ADCY2: variants seen among roughly 807,000 people sequenced by gnomAD.
ADCY2 encodes adenylate cyclase 2.
ADCY2 carries 31 observed loss-of-function variants against 125.2 expected under a neutral mutation model. The observed-to-expected ratio is 0.25, with a 90% confidence interval of 0.19 to 0.33. The LOEUF (loss-of-function observed/expected upper bound fraction) is 0.33. Ranked by LOEUF, ADCY2 falls within the 10% of genes least tolerant of loss-of-function variation. ADCY2 has a pLI of 1.00. For missense variants in ADCY2, 904 were observed against 1,418.2 expected (o/e 0.64, Z 5.82); for synonymous variants, 512 against 548.4 (o/e 0.93, Z 0.93).
Position 7,396,379 on chromosome 5 carries a change from G to C in ADCY2, c.83G>C (p.Arg28Pro), listed in dbSNP as rs779803889. 8.3e-6 allele frequency: 13 copies of C among 1,558,802 alleles called. No homozygotes were observed. Among genetic ancestry groups the C allele is most frequent in the Admixed American group, 5.5e-5 (3 of 54,140 alleles). Residue 28 changes from arginine (R) to proline (P), a missense_variant, in exon 1 of 25, where the codon CGG becomes CCG. By Grantham distance (103) the Arg-to-Pro change is moderately radical (BLOSUM62 -2). Around this residue, in one of 7 missense-constraint regions of ADCY2, gnomAD observed 113 missense variants for 108.0 expected, o/e 1.05. Transcript: ENST00000338316. This position sits in a 1 kb window ranked among gnomAD's most constrained non-coding sequence, Gnocchi z 5.7. ...EAAGGGDGLP[R>P]SRDWLYESYY... ...GCGGGCGGCGGAGACGGGCTGCCGC[G>C]GTCCCGGGACTGGCTCTACGAGTCC...
chr5:7,611,052 T>G (rs1472684037), intron 3 of ADCY2: 1 of 152,184 alleles, frequency 6.6e-6, no homozygotes, highest in Non-Finnish European at 1.5e-5. Flanking sequence ...AAGCACAGAA[T>G]TTAAATGTTT....
At chr5:7,491,978 CTGAG>C (rs1310527511) in intron 2 of ADCY2, among the ~76,000 whole-genome samples, 1 of 152,166 alleles carries the variant, frequency 6.6e-6, no homozygotes, top group African/African-American at 2.4e-5. Context: ...TTGCACAGCA[CTGAG>C]TAACACAGGG....
At chr5:7,687,827 G>C (rs531163750) in intron 4 of ADCY2, among the ~76,000 whole-genome samples, 2 of 152,160 alleles carry the variant, frequency 1.3e-5, no homozygotes, top group Non-Finnish European at 2.9e-5. Flanking sequence ...TTGACTGATT[G>C]TTTTAAATTC....
rs746974650 is a variant in ADCY2 at position 7,784,425 on chromosome 5, C to T, written c.2445C>T (p.Ile815=). 9.9e-6 allele frequency: 16 copies of T among 1,613,750 alleles called. No homozygotes were observed. The South Asian group carries it at 1.8e-4, about 18-fold the overall frequency. The part of the protein sequence containing the change: ...MGSVSLSIFF[I]TLLVLGRQNE... Reference sequence around the variant, plus strand: ...CTGTGTCTCTCTCTATATTCTTCATCACACTGCTTGTTCTGGGTAGACAGG... The same window carrying T: ...CTGTGTCTCTCTCTATATTCTTCATTACACTGCTTGTTCTGGGTAGACAGG... Residue 815 remains isoleucine (I), a synonymous_variant, in exon 19 of 25, where the codon ATC becomes ATT. Transcript: ENST00000338316.
chr5:7,731,476 G>A (rs957673098), intron 14 of ADCY2, among the ~76,000 whole-genome samples: 1 of 151,998 alleles, frequency 6.6e-6, no homozygotes, highest in African/African-American at 2.4e-5. Context: ...GGCTGGTCTT[G>A]AACTCCTGAC....
At chr5:7,786,982 G>A (rs1472953615) in intron 19 of ADCY2, among the ~76,000 whole-genome samples, 1 of 152,154 alleles carries the variant, frequency 6.6e-6, no homozygotes, top group Non-Finnish European at 1.5e-5. Flanking sequence ...AGGGTCATGG[G>A]GTCCCAGGCA....
intron 16 of ADCY2, among the ~76,000 whole-genome samples, chr5:7,763,051 T>G (rs113332902): frequency 0.35 from 52,058 of 150,516 alleles, 9,388 homozygotes; most frequent in Admixed American, 0.49. Flanking sequence ...TCTTTGTTTT[T>G]TTTGTTTGTT....
chr5:7,536,433 G>A lies in ADCY2; in HGVS notation c.570+15534G>A, dbSNP rs545029980. 1.7e-3 allele frequency among the ~76,000 whole-genome samples: 253 copies of A among 152,258 alleles called. 1 individual carries two copies. Among genetic ancestry groups the A allele is most frequent in the African/African-American group, 5.7e-3 (238 of 41,552 alleles). ...CCTGTGCAGGTGGAGTGCACCACTC[G>A]TCACTGTCATCCCCCCCACATGCCC... On this transcript the variant is annotated intron_variant, in intron 3 of 24. Coordinates refer to ENST00000338316, the MANE Select transcript of ADCY2 (RefSeq NM_020546.3).
chr5:7,636,852 A>G (rs1444974498), intron 4 of ADCY2, among the ~76,000 whole-genome samples: 1 of 152,164 alleles, frequency 6.6e-6, no homozygotes, highest in African/African-American at 2.4e-5. Flanking sequence ...TGGAGCAATC[A>G]TGCTAAAGTG....
intron 2 of ADCY2, among the ~76,000 whole-genome samples, chr5:7,445,413 C>T (rs1032149936): frequency 6.6e-6 from 1 of 152,124 alleles, no homozygotes; most frequent in Non-Finnish European, 1.5e-5. Context: ...TCTGTGGGTG[C>T]CAGGACCACT....
intron 3 of ADCY2, among the ~76,000 whole-genome samples, chr5:7,526,502 T>C (rs1043852462): frequency 5.9e-5 from 9 of 152,082 alleles, no homozygotes; most frequent in Admixed American, 5.9e-4. Context: ...AGGATTAAGG[T>C]TGGAGGTGAG....
At chr5:7,752,480 T>G (rs914585975) in intron 15 of ADCY2, among the ~76,000 whole-genome samples, 1 of 152,146 alleles carries the variant, frequency 6.6e-6, no homozygotes, top group African/African-American at 2.4e-5. Flanking sequence ...TTTCTGGATT[T>G]TTTTTTTCAT....
chr5:7,667,342 A>G (rs1203269037), intron 4 of ADCY2, among the ~76,000 whole-genome samples: 1 of 152,128 alleles, frequency 6.6e-6, no homozygotes, highest in Non-Finnish European at 1.5e-5. Flanking sequence ...CGCGTGTTCC[A>G]CTCTCAAACC....
intron 2 of ADCY2, among the ~76,000 whole-genome samples, chr5:7,415,367 G>A (rs745617988): frequency 6.6e-6 from 1 of 151,890 alleles, no homozygotes; most frequent in African/African-American, 2.4e-5. Context: ...GGAGCTGGCC[G>A]GGGCCTCATA....
rs890086958 is a variant in ADCY2, at chr5:7,828,696, G to T, written c.*1825G>T. The stretch of plus-strand genomic sequence containing the variant: ...TCCAAAAACAGTGATTAAAGCAAGA[G>T]AATTATTACAAGGGCTTTTCTCTTT... On this transcript the variant is annotated 3_prime_UTR_variant, in exon 25 of 25. Coordinates refer to ENST00000338316, the MANE Select transcript of ADCY2 (RefSeq NM_020546.3). 1 of 152,336 alleles carries T rather than the reference G, an allele frequency of 6.6e-6. No individual in the cohort carries two copies. Among genetic ancestry groups the T allele is most frequent in the African/African-American group, 2.4e-5 (1 of 41,442 alleles). 9.4% of individuals were successfully genotyped at this position (152,336 alleles called of 1,614,324 possible).
intron 2 of ADCY2, among the ~76,000 whole-genome samples, chr5:7,456,230 AAGTC>A (rs1741662663): frequency 6.6e-6 from 1 of 152,204 alleles, no homozygotes; most frequent in Non-Finnish European, 1.5e-5. Flanking sequence ...TTAAAAGTAA[AAGTC>A]AGTTTTCTAG....
chr5:7,505,173 C>G (rs571942145), intron 2 of ADCY2, among the ~76,000 whole-genome samples: 1 of 152,104 alleles, frequency 6.6e-6, no homozygotes, highest in African/African-American at 2.4e-5. Context: ...TGTGAGCCAC[C>G]GTGCCTGGCC....
chr5:7,810,271 T>G (rs181847682), intron 22 of ADCY2, among the ~76,000 whole-genome samples: 166 of 152,076 alleles, frequency 1.1e-3, no homozygotes, highest in Admixed American at 3.3e-3. Context: ...TCTACCTGAT[T>G]GGTGGGTTAT....
intron 2 of ADCY2, among the ~76,000 whole-genome samples, chr5:7,506,827 A>G (rs1235349653): frequency 3.3e-5 from 3 of 92,060 alleles, no homozygotes; most frequent in Admixed American, 3.4e-4. Flanking sequence ...TTGCTCTGTC[A>G]CCCAGGCTGG....
Sources: gnomAD v4.1 joint callset for allele counts (sites outside exome capture counted in the v4.1 genomes callset) on GRCh38, gnomAD v4.1.1 for gene constraint, gnomAD v4.1.1 regional missense constraint, Gnocchi (gnomAD v3.1) non-coding constraint, MANE v1.5 for transcripts, NCBI Gene and HGNC (gene_info 2026-07-23, HGNC 2026-07-21) for gene names.